TMTC2: variants seen among roughly 807,000 people sequenced by gnomAD.
TMTC2 encodes protein O-mannosyl-transferase TMTC2.
TMTC2 carries 43 observed loss-of-function variants against 82.4 expected under a neutral mutation model. The ratio of observed to expected loss-of-function variants is 0.52; its 90% confidence interval spans 0.41 to 0.67. The LOEUF (loss-of-function observed/expected upper bound fraction) is 0.67. Among genes scored for constraint, TMTC2 ranks in the 30% least tolerant of loss-of-function variants. The pLI is 0.00. For missense variants in TMTC2, 919 were observed against 1,012.4 expected, an observed-to-expected ratio of 0.91 and a Z score of 1.25; for synonymous variants, 408 against 381.9, an observed-to-expected ratio of 1.07 and a Z score of -0.80.
chr12:82,889,859 T>C, intron 2 of TMTC2, among the ~76,000 whole-genome samples: 1 of 152,172 alleles, frequency 6.6e-6, no homozygotes, highest in East Asian at 1.9e-4. Flanking sequence ...GGCTATACCA[T>C]GATTTTTTTA....
At chr12:82,936,348 A>G (rs1460161681) in intron 4 of TMTC2, among the ~76,000 whole-genome samples, 1 of 152,070 alleles carries the variant, frequency 6.6e-6, no homozygotes, top group East Asian at 1.9e-4. Flanking sequence ...GCTAGATAAA[A>G]CTGATTGCAA....
chr12:83,099,111 C>T (rs1565887509), intron 11 of TMTC2, among the ~76,000 whole-genome samples: 1 of 152,124 alleles, frequency 6.6e-6, no homozygotes, highest in Non-Finnish European at 1.5e-5. Context: ...TTTCTGAATG[C>T]CAATATTCTA....
intron 2 of TMTC2, among the ~76,000 whole-genome samples, chr12:82,875,001 T>C (rs1209597018): frequency 6.6e-6 from 1 of 152,318 alleles, no homozygotes; most frequent in East Asian, 1.9e-4. Context: ...TCTGACACTT[T>C]CTCTGTAAAG....
intron 3 of TMTC2, among the ~76,000 whole-genome samples, chr12:82,919,218 G>A (rs952223017): frequency 6.6e-6 from 1 of 152,112 alleles, no homozygotes; most frequent in Non-Finnish European, 1.5e-5. Flanking sequence ...TGAGGGGCTG[G>A]GCTTGCTTTT....
intron 8 of TMTC2, among the ~76,000 whole-genome samples, chr12:82,994,663 A>G (rs1879539379): frequency 6.6e-6 from 1 of 151,642 alleles, no homozygotes; most frequent in African/African-American, 2.4e-5. Flanking sequence ...CTGTATAAAA[A>G]CTTGCATTGG....
chr12:82,926,034 T>C (rs1592632285), intron 3 of TMTC2, among the ~76,000 whole-genome samples: 1 of 150,194 alleles, frequency 6.7e-6, no homozygotes, highest in South Asian at 2.1e-4. Flanking sequence ...CAGGCTAGAG[T>C]GCAGTGGTGC....
intron 1 of TMTC2, among the ~76,000 whole-genome samples, chr12:82,835,899 A>G (rs1870010686): frequency 6.6e-6 from 1 of 152,184 alleles, no homozygotes; most frequent in South Asian, 2.1e-4. Context: ...CACATAGCAG[A>G]GGCCCTGTAA....
chr12:83,082,239 A>G (rs188754068), intron 11 of TMTC2, among the ~76,000 whole-genome samples: 1 of 152,266 alleles, frequency 6.6e-6, no homozygotes, highest in East Asian at 1.9e-4. Context: ...CTTTAATGCA[A>G]ATGTGTTACC....
At chr12:82,752,516 T>C (rs959421858) in intron 1 of TMTC2, among the ~76,000 whole-genome samples, 1 of 151,848 alleles carries the variant, frequency 6.6e-6, no homozygotes, top group African/African-American at 2.4e-5. Context: ...CAAAGAATCT[T>C]AGGGCTGGAG....
chr12:82,914,817 A>ATTTTTTTTTTTTTTTTTTTTTTTTTTT (rs71068958), intron 3 of TMTC2, among the ~76,000 whole-genome samples: 2 of 86,408 alleles, frequency 2.3e-5, no homozygotes, highest in Non-Finnish European at 2.2e-5. Context: ...CAACTCACTT[A>ATTTTTTTTTTTTTTTTTTTTTTTTTTT]TTTTTTTTTT....
intron 11 of TMTC2, among the ~76,000 whole-genome samples, chr12:83,117,993 G>A (rs1049414856): frequency 2.0e-5 from 3 of 152,014 alleles, no homozygotes; most frequent in African/African-American, 7.2e-5. Context: ...GTAAAGAAGA[G>A]CTACTGATTT....
At chr12:82,928,963 T>A (rs966066778) in intron 3 of TMTC2, among the ~76,000 whole-genome samples, 39 of 152,230 alleles carry the variant, frequency 2.6e-4, no homozygotes, top group African/African-American at 8.9e-4. Context: ...TTGTAAGAAA[T>A]GCTTAACTAT....
chr12:82,743,019 A>C (rs909048916), intron 1 of TMTC2, among the ~76,000 whole-genome samples: 2 of 152,074 alleles, frequency 1.3e-5, no homozygotes, highest in African/African-American at 4.8e-5. Context: ...TTTGTTAGGA[A>C]ATTTTTTCTG....
At chr12:83,014,712 G>A (rs748588022) in intron 8 of TMTC2, among the ~76,000 whole-genome samples, 1 of 117,002 alleles carries the variant, frequency 8.5e-6, no homozygotes, top group Non-Finnish European at 1.8e-5. Flanking sequence ...GGTATAAAAG[G>A]TCTAGTTAAG....
intron 4 of TMTC2, among the ~76,000 whole-genome samples, chr12:82,943,760 A>G (rs1313866622): frequency 1.3e-5 from 2 of 152,334 alleles, no homozygotes; most frequent in East Asian, 3.9e-4. Context: ...TTTTGGAAAT[A>G]AGGATCCATT....
At chr12:83,055,032 A>G (rs1396188346) in intron 10 of TMTC2, among the ~76,000 whole-genome samples, 4 of 152,168 alleles carry the variant, frequency 2.6e-5, no homozygotes, top group East Asian at 3.9e-4. Flanking sequence ...ATAATTCCCA[A>G]CCACCCAGAA....
At chr12:83,016,318 C>A (rs770369097) in intron 8 of TMTC2, among the ~76,000 whole-genome samples, 5 of 152,112 alleles carry the variant, frequency 3.3e-5, no homozygotes, top group Non-Finnish European at 5.9e-5. Context: ...GACTAGATAG[C>A]CCTTTGCTTT....
intron 11 of TMTC2, among the ~76,000 whole-genome samples, chr12:83,126,343 AG>A (rs1159460656): frequency 6.6e-6 from 1 of 152,090 alleles, no homozygotes; most frequent in Non-Finnish European, 1.5e-5. Flanking sequence ...TAGGGACTTC[AG>A]TTGTATTTAT....
At chr12:82,944,976 A>G (rs1256841999) in intron 4 of TMTC2, among the ~76,000 whole-genome samples, 2 of 152,200 alleles carry the variant, frequency 1.3e-5, no homozygotes, top group South Asian at 4.1e-4. Context: ...ATTAATATGT[A>G]TTTGTTTCTA....
Sources: allele counts gnomAD v4.1 joint callset (sites outside exome capture counted in the v4.1 genomes callset), GRCh38; gene constraint gnomAD v4.1.1; transcripts MANE v1.5; gene names NCBI Gene and HGNC (gene_info 2026-07-23, HGNC 2026-07-21).